The following MCF2L2 variants were observed in gnomAD, a reference collection of about 807,000 sequenced individuals.
MCF2L2 encodes the protein MCF.2 cell line derived transforming sequence-like 2.
In MCF2L2, 102 loss-of-function variants were observed where a neutral mutation model predicts 150.2. The observed-to-expected ratio is 0.68, with a 90% confidence interval of 0.58 to 0.80. The LOEUF (loss-of-function observed/expected upper bound fraction) is 0.80. Among genes scored for constraint, MCF2L2 ranks in the 30% least tolerant of loss-of-function variants. MCF2L2 has a pLI of 0.00. For synonymous variants in MCF2L2, 465 were observed against 491.3 expected (o/e 0.95, Z 0.71); for missense variants, 1,256 against 1,372.8 (o/e 0.91, Z 1.34).
intron 1 of MCF2L2, among the ~76,000 whole-genome samples, chr3:183,410,279 T>C (rs1023157406): frequency 1.3e-5 from 2 of 152,220 alleles, no homozygotes; most frequent in African/African-American, 4.8e-5. Flanking sequence ...GCACTATCTA[T>C]ATTGGCAATT....
intron 4 of MCF2L2, among the ~76,000 whole-genome samples, chr3:183,339,256 A>AAT (rs1423685466): frequency 1.3e-5 from 2 of 152,224 alleles, no homozygotes; most frequent in Admixed American, 1.3e-4. Context: ...AGCCATACTT[A>AAT]ATATTTCCAT....
chr3:183,272,827 G>C lies in MCF2L2; in HGVS notation c.1862+4045C>G, dbSNP rs1056531279. On this transcript the variant is annotated intron_variant, in intron 15 of 29. Coordinates refer to ENST00000328913, the MANE Select transcript of MCF2L2 (RefSeq NM_015078.4). ...TTGGAAGTGTTTAAGGTTGCCATTG[G>C]TTGAAAACATAAGTGTCTCTGGCCA... 4.1e-6 allele frequency: 5 copies of C among 1,223,610 alleles called. No individual in the cohort carries two copies. In the African/African-American group the frequency reaches 6.3e-5, roughly 15 times the overall value. The allele number at this position is 1,223,610 out of a possible 1,614,324, so 75.8% of individuals were successfully genotyped here. A position where few individuals can be genotyped will look rare whatever the true frequency, so the allele number is the denominator to read the frequency against.
intron 15 of MCF2L2, among the ~76,000 whole-genome samples, chr3:183,233,656 G>T (rs984342108): frequency 6.6e-6 from 1 of 152,138 alleles, no homozygotes; most frequent in Non-Finnish European, 1.5e-5. Flanking sequence ...TTAACACATT[G>T]TTAAAAGTGA....
chr3:183,395,933 A>C (rs1278719762), intron 1 of MCF2L2, among the ~76,000 whole-genome samples: 1 of 148,732 alleles, frequency 6.7e-6, no homozygotes, highest in Non-Finnish European at 1.5e-5. Context: ...AAAAAAAAAA[A>C]AAAAAGAAAG....
chr3:183,299,930 G>A, intron 11 of MCF2L2, 75 bp downstream of exon 11: 1 of 1,484,270 alleles, frequency 6.7e-7, no homozygotes, highest in Non-Finnish European at 9.2e-7. Flanking sequence ...ACACAAGGAA[G>A]GGAGGACGAG....
rs992643446 is a variant in MCF2L2 at position 183,223,038 on chromosome 3, T to G, written c.2301+308A>C. Reference sequence around the variant, plus strand: ...TTAAAATGCCCATAAAACAGTAACTTTGGGGAAAATCACACTCTCGCTCCC... The same window carrying G: ...TTAAAATGCCCATAAAACAGTAACTGTGGGGAAAATCACACTCTCGCTCCC... On this transcript the variant is annotated intron_variant, in intron 20 of 29. Coordinates refer to ENST00000328913, the MANE Select transcript of MCF2L2 (RefSeq NM_015078.4). 4.6e-4 allele frequency among the ~76,000 whole-genome samples: 70 copies of G among 152,238 alleles called. 1 individual carries two copies. The highest frequency in any genetic ancestry group is 6.8e-3 in the Middle Eastern group (2 of 294).
At chr3:183,199,434 A>G (rs1395520793) in intron 25 of MCF2L2, among the ~76,000 whole-genome samples, 1 of 152,148 alleles carries the variant, frequency 6.6e-6, no homozygotes, top group African/African-American at 2.4e-5. Context: ...TATCCCTGCA[A>G]ACAAAGTGAA....
rs1347477028 is a variant in MCF2L2, at chr3:183,371,767, C to T, written c.275+7530G>A. Among the ~76,000 whole-genome samples the T allele has an allele frequency of 5.9e-4, 89 of 151,848 alleles. 1 individual carries two copies. The highest frequency in any genetic ancestry group is 1.8e-4 in the Non-Finnish European group (12 of 67,966). On this transcript the variant is annotated intron_variant, in intron 3 of 29. Coordinates refer to ENST00000328913, the MANE Select transcript of MCF2L2 (RefSeq NM_015078.4). Reference sequence around the variant, plus strand: ...TGCTGAGATTACAGGTGTAAGCCACCGCACCCGGCCTCTGATTAGCCTTTT... The same window carrying T: ...TGCTGAGATTACAGGTGTAAGCCACTGCACCCGGCCTCTGATTAGCCTTTT...
chr3:183,206,304 T>C, intron 23 of MCF2L2, 90 bp from the exon 24 acceptor site: 2 of 953,832 alleles, frequency 2.1e-6, no homozygotes, highest in Non-Finnish European at 3.4e-6. Context: ...TTTCTATCCT[T>C]GACAGCTCTC....
chr3:183,248,751 TTGC>T (rs1560366392), intron 15 of MCF2L2, among the ~76,000 whole-genome samples: 1 of 152,150 alleles, frequency 6.6e-6, no homozygotes, highest in Non-Finnish European at 1.5e-5. Flanking sequence ...GACAGGAAGA[TTGC>T]TTGAGCCTAG....
intron 1 of MCF2L2, among the ~76,000 whole-genome samples, chr3:183,408,262 T>A (rs1269314989): frequency 6.6e-6 from 1 of 152,062 alleles, no homozygotes; most frequent in African/African-American, 2.4e-5. Flanking sequence ...AGCCCAACAA[T>A]GAAAGAGAAC....
chr3:183,342,498 A>G (rs1730740062), intron 3 of MCF2L2, among the ~76,000 whole-genome samples: 1 of 152,056 alleles, frequency 6.6e-6, no homozygotes, highest in Non-Finnish European at 1.5e-5. Flanking sequence ...CTATTTATAT[A>G]TTGTGTGTGC....
intron 7 of MCF2L2, among the ~76,000 whole-genome samples, chr3:183,316,084 C>T (rs897149854): frequency 1.3e-5 from 2 of 152,206 alleles, no homozygotes; most frequent in Non-Finnish European, 2.9e-5. Flanking sequence ...CTGCAGACTC[C>T]TTTTGGTCAG....
chr3:183,394,269 G>C lies in MCF2L2; in HGVS notation c.77-4490C>G, dbSNP rs568933878. On this transcript the variant is annotated intron_variant, in intron 1 of 29. Coordinates refer to ENST00000328913, the MANE Select transcript of MCF2L2 (RefSeq NM_015078.4). ...GGCGCTGTGTAACAAGACCCTAACTGTTAATAACATGAATAGGGCACCAGC... is the reference window on the plus strand; with the variant it reads ...GGCGCTGTGTAACAAGACCCTAACTCTTAATAACATGAATAGGGCACCAGC... Among the ~76,000 whole-genome samples the C allele has an allele frequency of 4.6e-5, 7 of 152,336 alleles. 1 individual carries two copies. The South Asian group carries it at 1.2e-3, about 27-fold the overall frequency.
intron 5 of MCF2L2, among the ~76,000 whole-genome samples, chr3:183,324,112 CAA>C (rs1374843238): frequency 1.3e-5 from 2 of 152,168 alleles, no homozygotes. Context: ...CAGGGAAACA[CAA>C]AGAGTATGCA....
rs990649146 is a variant in MCF2L2, at chr3:183,297,012, G to A, written c.1461C>T (p.Tyr487=). ...EYPLLSPKEF[Y]NEFELLLTLD... ...GGGTGAGCAGCAACTCAAACTCGTT[G>A]TAAAACTCCTTGGGGCTGAGCAACG... The change falls in exon 12 of 30, where the codon TAC becomes TAT. Residue 487 remains tyrosine, a synonymous_variant. Transcript: ENST00000328913. 5 of 1,614,072 alleles carry A rather than the reference G, an allele frequency of 3.1e-6. No homozygotes were observed.
chr3:183,412,269 CTAAT>C (rs1198664051), intron 1 of MCF2L2, among the ~76,000 whole-genome samples: 1 of 150,774 alleles, frequency 6.6e-6, no homozygotes, highest in African/African-American at 2.5e-5. Context: ...AGGCTCTTCT[CTAAT>C]TGTTTGTTTG....
At chr3:183,230,079 C>T (rs61510568) in intron 16 of MCF2L2, among the ~76,000 whole-genome samples, 3,037 of 152,242 alleles carry the variant, frequency 0.02, 99 homozygotes, top group African/African-American at 0.067. Flanking sequence ...AATGTACCCA[C>T]TGTTTTATGA....
At position 183,295,523 on chromosome 3, in the gene MCF2L2, C is replaced by T. The variant is rs114703202; in HGVS notation, c.1498-46G>A. 2,113 of 1,577,850 alleles carry T rather than the reference C, an allele frequency of 1.3e-3. 27 individuals are homozygous for T. The African/African-American group carries it at 0.025, about 18-fold the overall frequency. ...CATGATGAACAGGTCTCTCTGTATA[C>T]AGCCTGAGGACACGAAGCATTCCCT... On this transcript the variant is annotated intron_variant, in intron 12 of 29. Coordinates refer to ENST00000328913, the MANE Select transcript of MCF2L2 (RefSeq NM_015078.4).
Sources: gnomAD v4.1 joint callset for allele counts (sites outside exome capture counted in the v4.1 genomes callset) on GRCh38, gnomAD v4.1.1 for gene constraint, MANE v1.5 for transcripts, NCBI Gene and HGNC (gene_info 2026-07-23, HGNC 2026-07-21) for gene names.